CMTM6: variants seen among roughly 807,000 people sequenced by gnomAD.
CMTM6 encodes the protein CKLF like MARVEL transmembrane domain containing 6, also known as CKLF-like MARVEL transmembrane domain-containing protein 6.
CMTM6 carries 5 observed loss-of-function variants against 13.6 expected under a neutral mutation model. The observed-to-expected ratio is 0.37, with a 90% CI of 0.19 to 0.77. CMTM6 has a LOEUF of 0.77. CMTM6 is among the 30% of genes least tolerant of loss of function. CMTM6 has a pLI of 0.50. For missense variants in CMTM6, 196 were observed against 218.6 expected, an observed-to-expected ratio of 0.90 and a Z score of 0.65; for synonymous variants, 99 against 84.5, an observed-to-expected ratio of 1.17 and a Z score of -0.94.
In CMTM6 at chr3:32,491,899, C is replaced by G. The variant is rs190183303; in HGVS notation, c.139-13G>C. 1.8e-5 allele frequency: 29 copies of G among 1,590,840 alleles called. No homozygotes were observed. In the Admixed American group the frequency reaches 5.2e-4, roughly 29 times the overall value. ...GCAGAGACAGCAACTACAAATGAAG[C>G]AAAACATTTTACTTAAGTGTTTTTT... On this transcript the variant is annotated splice_polypyrimidine_tract_variant and intron_variant, in intron 1 of 3. Coordinates refer to ENST00000205636, the MANE Select transcript of CMTM6 (RefSeq NM_017801.3).
intron 1 of CMTM6, among the ~76,000 whole-genome samples, 184 bp downstream of exon 1, chr3:32,502,424 G>C (rs1404756560): frequency 6.6e-6 from 1 of 152,236 alleles, no homozygotes; most frequent in Non-Finnish European, 1.5e-5. Flanking sequence ...GGGACTGAGG[G>C]GCCGCCCGGC....
intron 1 of CMTM6, among the ~76,000 whole-genome samples, chr3:32,496,909 T>C (rs1174128142): frequency 1.3e-5 from 2 of 152,090 alleles, no homozygotes; most frequent in Non-Finnish European, 2.9e-5. Flanking sequence ...GTGATGATCA[T>C]GCAAGGGAAT....
chr3:32,484,917 A>C (rs886910361), intron 3 of CMTM6, among the ~76,000 whole-genome samples: 42 of 152,054 alleles, frequency 2.8e-4, no homozygotes, highest in African/African-American at 9.9e-4. Context: ...CCCCCTCTAA[A>C]GAATAAGCAT....
chr3:32,491,915 A>G, intron 1 of CMTM6, 29 bp from the exon 2 acceptor site: 1 of 1,564,738 alleles, frequency 6.4e-7, no homozygotes, highest in African/African-American at 1.4e-5. Flanking sequence ...ATTTTACTTA[A>G]GTGTTTTTTC....
chr3:32,488,902 G>A (rs1376963568), intron 2 of CMTM6, among the ~76,000 whole-genome samples: 3 of 152,150 alleles, frequency 2.0e-5, no homozygotes, highest in Non-Finnish European at 2.9e-5. Flanking sequence ...TTGGTAAAAT[G>A]ATAGCCACTC....
At chr3:32,487,246 T>C (rs1270335132) in intron 3 of CMTM6, among the ~76,000 whole-genome samples, 1 of 152,180 alleles carries the variant, frequency 6.6e-6, no homozygotes, top group Admixed American at 6.5e-5. Context: ...TGGAAATTAA[T>C]TTCCTCAACA....
intron 1 of CMTM6, among the ~76,000 whole-genome samples, chr3:32,498,714 G>T (rs1481908564): frequency 6.6e-6 from 1 of 151,014 alleles, no homozygotes; most frequent in East Asian, 2.0e-4. Flanking sequence ...TGAGTAGCTG[G>T]GATTACAGGT....
chr3:32,501,875 A>G (rs1478082862), intron 1 of CMTM6, among the ~76,000 whole-genome samples: 2 of 152,256 alleles, frequency 1.3e-5, no homozygotes, highest in Admixed American at 6.5e-5. Context: ...TGTAAAGTGA[A>G]TAATTTAAAT....
intron 1 of CMTM6, among the ~76,000 whole-genome samples, chr3:32,496,269 C>G (rs1697290189): frequency 6.6e-6 from 1 of 151,208 alleles, no homozygotes; most frequent in Admixed American, 6.6e-5. Flanking sequence ...CAAATTGGCA[C>G]TACAAGCTAT....
rs1376733018 is a variant in CMTM6 at position 32,497,384 on chromosome 3, A to T, written c.138+5224T>A. 3.2e-4 allele frequency among the ~76,000 whole-genome samples: 35 copies of T among 111,054 alleles called. No individual in the cohort carries two copies. The East Asian group carries it at 5.8e-3, about 18-fold the overall frequency. The allele number at this position is 111,054 out of a possible 152,430, so 72.9% of individuals were successfully genotyped here. ...TGGGCAACAGCGAGACTCTGTCTCA[A>T]AAAAAAAAAAAAAAAAGAAAGAAAA... On this transcript the variant is annotated intron_variant, in intron 1 of 3. Transcript: ENST00000205636.
Position 32,497,513 on chromosome 3 carries a change from G to A in CMTM6, c.138+5095C>T, listed in dbSNP as rs576116407. Among the ~76,000 whole-genome samples the A allele has an allele frequency of 2.0e-5, 3 of 149,828 alleles. No homozygotes were observed. In the East Asian group the frequency reaches 5.9e-4, roughly 29 times the overall value. On this transcript the variant is annotated intron_variant, in intron 1 of 3. Transcript: ENST00000205636. ...AAGTGGTTTTATTTTAATATTTTTAGTTGATTTTTTTTTTTTTGGTAAGCA... is the reference window on the plus strand; with the variant it reads ...AAGTGGTTTTATTTTAATATTTTTAATTGATTTTTTTTTTTTTGGTAAGCA...
Position 32,487,935 on chromosome 3 carries a change from T to TA in CMTM6, c.414+2dup. 6.2e-7 allele frequency: 1 copy of TA among 1,603,876 alleles called. No homozygotes were observed. The highest frequency in any genetic ancestry group is 8.5e-7 in the Non-Finnish European group (1 of 1,171,700). ...AGCAATGTTAAAAATACAAGGTACT[T>TA]ACAATTGCAGCAATCTCAGCTGAAG... On this transcript the variant is annotated splice_region_variant and intron_variant, in intron 3 of 3. Transcript: ENST00000205636.
chr3:32,490,242 C>CAA (rs567802958), intron 2 of CMTM6, among the ~76,000 whole-genome samples: 9 of 114,676 alleles, frequency 7.8e-5, no homozygotes, highest in South Asian at 2.8e-4. Context: ...CAAGACTTCT[C>CAA]AAAAAAAAAA....
chr3:32,488,144 T>TGATA (rs1697221225), intron 2 of CMTM6, 108 bp from the exon 3 acceptor site: 1 of 752,294 alleles, frequency 1.3e-6, no homozygotes, highest in Non-Finnish European at 2.2e-6. Context: ...TTGTTTTTCT[T>TGATA]GATACAACCC....
At chr3:32,484,198 G>A in intron 3 of CMTM6, 101 bp from the exon 4 acceptor site, 1 of 1,095,324 alleles carries the variant, frequency 9.1e-7, no homozygotes. Flanking sequence ...AGATGTTCAT[G>A]AATTTTATCT....
rs548497278 is a variant in CMTM6, at chr3:32,497,381, T to C, written c.138+5227A>G. On this transcript the variant is annotated intron_variant, in intron 1 of 3. Coordinates refer to ENST00000205636, the MANE Select transcript of CMTM6 (RefSeq NM_017801.3). Reference sequence around the variant, plus strand: ...GCCTGGGCAACAGCGAGACTCTGTCTCAAAAAAAAAAAAAAAAAAGAAAGA... The same window carrying C: ...GCCTGGGCAACAGCGAGACTCTGTCCCAAAAAAAAAAAAAAAAAAGAAAGA... Among the ~76,000 whole-genome samples, 11 of 79,216 alleles carry C rather than the reference T, an allele frequency of 1.4e-4. No homozygotes were observed. In the East Asian group the frequency reaches 2.7e-3, roughly 20 times the overall value. The allele number at this position is 79,216 out of a possible 152,430, so 52.0% of individuals were successfully genotyped here. A position where few individuals can be genotyped will look rare whatever the true frequency, so the allele number is the denominator to read the frequency against.
At chr3:32,500,078 T>A (rs1447822935) in intron 1 of CMTM6, among the ~76,000 whole-genome samples, 1 of 152,204 alleles carries the variant, frequency 6.6e-6, no homozygotes, top group East Asian at 1.9e-4. Flanking sequence ...GGGTCCAGAA[T>A]AATATACTCA....
rs755781406 is a variant in CMTM6, at chr3:32,502,698, G to T, written c.48C>A (p.Gly16=). Reference sequence around the variant, plus strand: ...GGCCGCTCCGGGGGCCTCTGGCGGGGCCCGGGTCCTCCTCCGTAGTGGGGC... The same window carrying T: ...GGCCGCTCCGGGGGCCTCTGGCGGGTCCCGGGTCCTCCTCCGTAGTGGGGC... ...VYSPTTEEDP[G]PARGPRSGLA... is the part of the protein sequence containing the mutation. Residue 16 remains glycine (G), a synonymous_variant, in exon 1 of 4, where the codon GGC becomes GGA. Coordinates refer to ENST00000205636, the MANE Select transcript of CMTM6 (RefSeq NM_017801.3). The T allele has an allele frequency of 6.3e-7, 1 of 1,584,776 alleles. No individual in the cohort carries two copies. The highest frequency in any genetic ancestry group is 1.8e-5 in the Admixed American group (1 of 56,762).
intron 1 of CMTM6, among the ~76,000 whole-genome samples, chr3:32,499,380 C>T (rs1472517583): frequency 6.6e-6 from 1 of 152,130 alleles, no homozygotes; most frequent in Non-Finnish European, 1.5e-5. Flanking sequence ...AAACTGCTTG[C>T]CAGATGAGCG....
Sources: gnomAD v4.1 joint callset for allele counts (sites outside exome capture counted in the v4.1 genomes callset) on GRCh38, gnomAD v4.1.1 for gene constraint, MANE v1.5 for transcripts, NCBI Gene and HGNC (gene_info 2026-07-23, HGNC 2026-07-21) for gene names.